LSMEM2: variants seen among roughly 807,000 people sequenced by gnomAD.
LSMEM2 encodes the protein leucine rich single-pass membrane protein 2, also known as leucine-rich single-pass membrane protein 2.
Under a neutral mutation model 17.3 loss-of-function variants are expected in LSMEM2, and 20 were observed. The ratio of observed to expected loss-of-function variants is 1.16; its 90% CI spans 0.81 to 1.68. The LOEUF is 1.68. Among genes scored for constraint, LSMEM2 ranks in the 40% most tolerant of loss-of-function variants. The pLI, the probability that LSMEM2 is intolerant of heterozygous loss-of-function variation, is 0.00. For synonymous variants in LSMEM2, 94 were observed against 97.8 expected, an observed-to-expected ratio of 0.96 and a Z score of 0.23; for missense variants, 207 against 214.3, an observed-to-expected ratio of 0.97 and a Z score of 0.21.
intron 1 of LSMEM2, among the ~76,000 whole-genome samples, chr3:50,284,161 G>A (rs1297542496): frequency 1.5e-5 from 2 of 129,102 alleles, no homozygotes; most frequent in Non-Finnish European, 3.1e-5. Context: ...AGCTGAGATC[G>A]CACCACTGCA....
At chr3:50,283,609 A>G (rs587669877) in intron 1 of LSMEM2, among the ~76,000 whole-genome samples, 3 of 148,482 alleles carry the variant, frequency 2.0e-5, no homozygotes, top group Non-Finnish European at 4.5e-5. Context: ...CCTGGGCGGC[A>G]GAGCGAGACT....
Position 50,287,481 on chromosome 3 carries a change from C to T in LSMEM2, c.*279C>T, listed in dbSNP as rs587742541. On this transcript the variant is annotated 3_prime_UTR_variant, in exon 4 of 4. Transcript: ENST00000316436. ...TGGCTCCTCCTGTGGCCTGTCAACACTCTCTGGCCACCCCAGATGGCAGGT... is the reference window on the plus strand; with the variant it reads ...TGGCTCCTCCTGTGGCCTGTCAACATTCTCTGGCCACCCCAGATGGCAGGT... 2.0e-6 allele frequency: 1 copy of T among 502,160 alleles called. No individual in the cohort carries two copies. The highest frequency in any genetic ancestry group is 3.3e-5 in the Admixed American group (1 of 30,410). The allele number at this position is 502,160 out of a possible 1,614,324, so 31.1% of individuals were successfully genotyped here.
chr3:50,280,917 T>TG (rs1302298783), intron 1 of LSMEM2, among the ~76,000 whole-genome samples: 24 of 152,126 alleles, frequency 1.6e-4, no homozygotes, highest in African/African-American at 5.8e-4. Flanking sequence ...TTCAAAGTGC[T>TG]GGGATTAGAG....
chr3:50,282,351 CTTGT>C (rs1190621031), intron 1 of LSMEM2, among the ~76,000 whole-genome samples: 29 of 152,096 alleles, frequency 1.9e-4, no homozygotes, highest in Non-Finnish European at 1.3e-4. Flanking sequence ...GCAGCACTTG[CTTGT>C]TTTTGTTGTA....
In LSMEM2 at chr3:50,287,754, G is replaced by A. The variant is rs748027229; in HGVS notation, c.*552G>A. 36 of 213,714 alleles carry A rather than the reference G, an allele frequency of 1.7e-4. No homozygotes were observed. The highest frequency in any genetic ancestry group is 1.9e-3 in the Middle Eastern group (1 of 538). The allele number at this position is 213,714 out of a possible 1,614,324, so 13.2% of individuals were successfully genotyped here. On this transcript the variant is annotated 3_prime_UTR_variant, in exon 4 of 4. Coordinates refer to ENST00000316436, the MANE Select transcript of LSMEM2 (RefSeq NM_153215.3). ...GGGTTAAGACCACAGAAGGCTGACC[G>A]TTCTGTTTAATTATCTGTAATAATC... is the stretch of plus-strand genomic sequence containing the variant.
At chr3:50,280,407 G>A (rs1388228656) in intron 1 of LSMEM2, among the ~76,000 whole-genome samples, 2 of 151,764 alleles carry the variant, frequency 1.3e-5, no homozygotes, top group African/African-American at 4.8e-5. Flanking sequence ...CACCCACCTT[G>A]GCCTCCCAAA....
chr3:50,278,125 T>C (rs587680545), upstream of LSMEM2, among the ~76,000 whole-genome samples: 2 of 152,272 alleles, frequency 1.3e-5, no homozygotes, highest in South Asian at 4.2e-4. Flanking sequence ...CCTGAGGTGG[T>C]AACAAGCTTG....
intron 1 of LSMEM2, 111 bp from the exon 2 acceptor site, chr3:50,286,360 C>T: frequency 7.0e-7 from 1 of 1,437,754 alleles, no homozygotes; most frequent in African/African-American, 1.4e-5. Flanking sequence ...GATTTGGAAC[C>T]AAATGTCCCA....
At chr3:50,282,229 T>C (rs1179210033) in intron 1 of LSMEM2, among the ~76,000 whole-genome samples, 4 of 152,058 alleles carry the variant, frequency 2.6e-5, no homozygotes, top group Admixed American at 2.0e-4. Context: ...ACTCAAATGA[T>C]CCTCCTGCCT....
At chr3:50,285,837 C>T (rs782233012) in intron 1 of LSMEM2, among the ~76,000 whole-genome samples, 15 of 151,786 alleles carry the variant, frequency 9.9e-5, no homozygotes, top group Non-Finnish European at 4.4e-5. Context: ...AGCGAAACTC[C>T]GTCTCAAAAA....
chr3:50,281,311 C>T (rs1261038408), intron 1 of LSMEM2, among the ~76,000 whole-genome samples: 2 of 149,204 alleles, frequency 1.3e-5, no homozygotes, highest in Non-Finnish European at 3.0e-5. Context: ...CTGCCCACCT[C>T]GGCCTTCCAA....
At chr3:50,278,124 G>A (rs137883747), upstream of LSMEM2, among the ~76,000 whole-genome samples, 722 of 152,316 alleles carry the variant, frequency 4.7e-3, 8 homozygotes, top group African/African-American at 0.017. Context: ...CCCTGAGGTG[G>A]TAACAAGCTT....
At chr3:50,283,626 C>CA (rs782534727) in intron 1 of LSMEM2, among the ~76,000 whole-genome samples, 4,461 of 52,802 alleles carry the variant, frequency 0.084, 199 homozygotes, top group Non-Finnish European at 0.11. Context: ...GACTCCATCT[C>CA]AAAAAAAAAA....
chr3:50,281,300 C>A (rs1701389376), intron 1 of LSMEM2, among the ~76,000 whole-genome samples: 1 of 150,136 alleles, frequency 6.7e-6, no homozygotes, highest in Non-Finnish European at 1.5e-5. Flanking sequence ...GACCTCGTGA[C>A]CTGCCCACCT....
chr3:50,279,318 G>GC, intron 1 of LSMEM2, 147 bp downstream of exon 1: 1 of 742,580 alleles, frequency 1.3e-6, no homozygotes, highest in Non-Finnish European at 2.3e-6. Context: ...AAAAGGACCT[G>GC]CCCCCTGTGC....
rs955746892 is a variant in LSMEM2 at position 50,286,948 on chromosome 3, G to A, written c.361+86G>A. The A allele has an allele frequency of 9.1e-5, 144 of 1,584,740 alleles. 1 individual carries two copies. Among genetic ancestry groups the A allele is most frequent in the Non-Finnish European group, 8.8e-5 (102 of 1,161,552 alleles). ...TTCTGTGCAGCTGGAAGGAGTAACTGCAGATGCTGCAGCAGTGAAGGATGG... is the reference window on the plus strand; with the variant it reads ...TTCTGTGCAGCTGGAAGGAGTAACTACAGATGCTGCAGCAGTGAAGGATGG... On this transcript the variant is annotated intron_variant, in intron 3 of 3. Coordinates refer to ENST00000316436, the MANE Select transcript of LSMEM2 (RefSeq NM_153215.3).
chr3:50,284,228 G>C (rs1001583827), intron 1 of LSMEM2, among the ~76,000 whole-genome samples: 7 of 139,162 alleles, frequency 5.0e-5, no homozygotes, highest in Non-Finnish European at 9.2e-5. Context: ...AAAAAAAAGC[G>C]CCACACACGT....
chr3:50,283,610 G>A (rs1177155108), intron 1 of LSMEM2, among the ~76,000 whole-genome samples: 1 of 142,138 alleles, frequency 7.0e-6, no homozygotes, highest in African/African-American at 2.6e-5. Context: ...CTGGGCGGCA[G>A]AGCGAGACTC....
chr3:50,283,649 AT>A (rs1553708036), intron 1 of LSMEM2, among the ~76,000 whole-genome samples: 20 of 147,726 alleles, frequency 1.4e-4, no homozygotes, highest in African/African-American at 5.0e-4. Context: ...AAAAAAAAAA[AT>A]TTGCAGGGTG....
Sources: allele counts gnomAD v4.1 joint callset (sites outside exome capture counted in the v4.1 genomes callset), GRCh38; gene constraint gnomAD v4.1.1; transcripts MANE v1.5; gene names NCBI Gene and HGNC (gene_info 2026-07-23, HGNC 2026-07-21).